The following ASAP3 variants were observed in gnomAD, a reference collection of about 807,000 sequenced individuals.
The protein encoded by ASAP3 is ArfGAP with SH3 domain, ankyrin repeat and PH domain 3.
A neutral mutation model predicts 118.2 loss-of-function variants in ASAP3; 85 were observed. That is an observed-to-expected ratio of 0.72 (90% CI 0.60 to 0.86). ASAP3 has a LOEUF of 0.86. Ranked by LOEUF, ASAP3 falls within the 40% of genes least tolerant of loss-of-function variation. ASAP3 has a pLI of 0.00. For missense variants in ASAP3, 1,026 were observed against 1,175.0 expected, an observed-to-expected ratio of 0.87 and a Z score of 1.85; for synonymous variants, 432 against 477.4, an observed-to-expected ratio of 0.90 and a Z score of 1.24.
intron 1 of ASAP3, among the ~76,000 whole-genome samples, chr1:23,482,138 G>A (rs1413402718): frequency 2.0e-5 from 3 of 152,332 alleles, no homozygotes; most frequent in South Asian, 4.1e-4. Context: ...ATGAGACAAG[G>A]TGAGGCTCTG....
At chr1:23,466,121 G>A (rs192862459) in intron 1 of ASAP3, among the ~76,000 whole-genome samples, 29 of 152,332 alleles carry the variant, frequency 1.9e-4, no homozygotes, top group Non-Finnish European at 1.5e-5. Flanking sequence ...TGGCCTCAGA[G>A]AGGATTCCCA....
chr1:23,467,173 C>CATTATTATTATT lies in ASAP3; in HGVS notation c.130-10991_130-10980dup, dbSNP rs60663868. On this transcript the variant is annotated intron_variant, in intron 1 of 24. Transcript: ENST00000336689. The stretch of plus-strand genomic sequence containing the variant: ...GCCACCTCACCCGGCCCATTACAGC[C>CATTATTATTATT]ATTATTATTATTATTATTATTATTA... 2.8e-3 allele frequency among the ~76,000 whole-genome samples: 411 copies of CATTATTATTATT among 148,330 alleles called. 1 individual carries two copies. Among genetic ancestry groups the CATTATTATTATT allele is most frequent in the African/African-American group, 1.0e-2 (392 of 39,390 alleles).
chr1:23,474,825 C>T (rs1365172524), intron 1 of ASAP3, among the ~76,000 whole-genome samples: 2 of 152,142 alleles, frequency 1.3e-5, no homozygotes, highest in Admixed American at 6.5e-5. Flanking sequence ...TCAAGTGGTC[C>T]CCCTGCCTCA....
Position 23,436,143 on chromosome 1 carries a change from C to T in ASAP3, c.1572-115G>A, listed in dbSNP as rs972278608. On this transcript the variant is annotated intron_variant, in intron 16 of 24. Transcript: ENST00000336689. This position sits in a 1 kb window ranked among gnomAD's most constrained non-coding sequence, Gnocchi z 4.2. ...TTTCTCCAGAACCATGTCCTGAAGA[C>T]GTCTAGATCTGAGGCTCCCCTCTCC... 4.2e-6 allele frequency: 5 copies of T among 1,189,648 alleles called. No homozygotes were observed. In the East Asian group the frequency reaches 7.1e-5, roughly 17 times the overall value. The allele number at this position is 1,189,648 out of a possible 1,614,324, so 73.7% of individuals were successfully genotyped here.
chr1:23,451,373 G>C (rs2148630135), intron 5 of ASAP3, 106 bp downstream of exon 5: 1 of 1,282,826 alleles, frequency 7.8e-7, no homozygotes, highest in African/African-American at 1.5e-5. Context: ...TACAGAGCCA[G>C]ATGTCACCCA....
intron 4 of ASAP3, 105 bp from the exon 5 acceptor site, chr1:23,451,633 C>T: frequency 1.6e-6 from 2 of 1,271,100 alleles, no homozygotes; most frequent in Non-Finnish European, 2.3e-6. Flanking sequence ...CTCCCCTGAG[C>T]TGCTCAGAGC....
chr1:23,473,974 C>CTTTTTTTTTT lies in ASAP3; in HGVS notation c.129+10021_129+10030dup, dbSNP rs10664798. ...AGGCGAAAATGGCATTAAATCTGCT[C>CTTTTTTTTTT]TTTTTTTTTTTTTTTTTTTTTTTTG... On this transcript the variant is annotated intron_variant, in intron 1 of 24. Transcript: ENST00000336689. 2.6e-3 allele frequency among the ~76,000 whole-genome samples: 185 copies of CTTTTTTTTTT among 72,098 alleles called. 41 individuals carry two copies. The highest frequency in any genetic ancestry group is 0.024 in the East Asian group (46 of 1,910). 47.3% of individuals were successfully genotyped at this position (72,098 alleles called of 152,430 possible).
chr1:23,469,836 C>T (rs544678221), intron 1 of ASAP3, among the ~76,000 whole-genome samples: 3 of 152,270 alleles, frequency 2.0e-5, no homozygotes, highest in South Asian at 2.1e-4. Flanking sequence ...TTCTAAGAAA[C>T]GCAGAGACCT....
chr1:23,483,764 C>T (rs1475850395), intron 1 of ASAP3, among the ~76,000 whole-genome samples: 1 of 152,228 alleles, frequency 6.6e-6, no homozygotes, highest in Non-Finnish European at 1.5e-5. Context: ...GTACGTCCCC[C>T]GACCTGTGGA....
At position 23,441,169 on chromosome 1, in the gene ASAP3, G is replaced by A. The variant is rs1405779262; in HGVS notation, c.877C>T (p.His293Tyr). 2 of 1,614,080 alleles carry A rather than the reference G, an allele frequency of 1.2e-6. No individual in the cohort carries two copies. Among genetic ancestry groups the A allele is most frequent in the East Asian group, 4.5e-5 (2 of 44,876 alleles). The part of the protein sequence containing the change: ...RKNSGCGYSI[H>Y]QHQGNKQFGT... ...AACTGCTTGTTGCCTTGGTGCTGGT[G>A]GATGCTATAGCCACATCCTGAGTTC... Residue 293 changes from histidine to tyrosine, a missense_variant, in exon 10 of 25, where the codon CAC becomes TAC. Transcript: ENST00000336689.
At chr1:23,465,264 G>A (rs1641728525) in intron 1 of ASAP3, among the ~76,000 whole-genome samples, 1 of 152,244 alleles carries the variant, frequency 6.6e-6, no homozygotes, top group Non-Finnish European at 1.5e-5. Context: ...TCAGCAAGCT[G>A]TGGGGAAGCA....
chr1:23,452,712 C>T lies in ASAP3; in HGVS notation c.408G>A (p.Leu136=), dbSNP rs1165690974. ...FPLDSLMKGQ[L]RDGRQDSKKQ... is the part of the protein sequence containing the mutation. ...GGAGACTCACCTGTCGACCGTCCCTCAGCTGCCCCTTCATCAGACTGTCCA... is the reference window on the plus strand; with the variant it reads ...GGAGACTCACCTGTCGACCGTCCCTTAGCTGCCCCTTCATCAGACTGTCCA... The change falls in exon 4 of 25, where the codon CTG becomes CTA. Residue 136 remains leucine, a synonymous_variant. Transcript: ENST00000336689. 1 of 1,613,990 alleles carries T rather than the reference C, an allele frequency of 6.2e-7. No homozygotes were observed. The highest frequency in any genetic ancestry group is 8.5e-7 in the Non-Finnish European group (1 of 1,180,018).
At chr1:23,449,487 A>C (rs115011074) in intron 5 of ASAP3, among the ~76,000 whole-genome samples, 1 of 152,194 alleles carries the variant, frequency 6.6e-6, no homozygotes, top group Non-Finnish European at 1.5e-5. Context: ...GACAGATGCT[A>C]TCAGGGCCCT....
chr1:23,463,191 T>C (rs1037264800), intron 1 of ASAP3, among the ~76,000 whole-genome samples: 3 of 152,188 alleles, frequency 2.0e-5, no homozygotes, highest in Middle Eastern at 3.2e-3. Context: ...ACATGGCCCC[T>C]TCCTTCAAGA....
intron 23 of ASAP3, among the ~76,000 whole-genome samples, 184 bp from the exon 24 acceptor site, chr1:23,431,309 G>C (rs1246720077): frequency 6.6e-6 from 1 of 152,240 alleles, no homozygotes; most frequent in Non-Finnish European, 1.5e-5. Flanking sequence ...AGACTCTGTG[G>C]ATATCTGCAG....
At chr1:23,466,564 T>C (rs2148652317) in intron 1 of ASAP3, among the ~76,000 whole-genome samples, 1 of 152,340 alleles carries the variant, frequency 6.6e-6, no homozygotes, top group South Asian at 2.1e-4. Flanking sequence ...GTTTGTGTTC[T>C]CTGCAGGCAA....
chr1:23,448,907 G>A (rs1049935703), intron 5 of ASAP3, among the ~76,000 whole-genome samples: 25 of 152,210 alleles, frequency 1.6e-4, no homozygotes, highest in African/African-American at 6.0e-4. Context: ...GGTGGGGCCA[G>A]GAGTTGAACC....
At chr1:23,439,284 A>G in intron 10 of ASAP3, 54 bp from the exon 11 acceptor site, 1 of 1,567,686 alleles carries the variant, frequency 6.4e-7, no homozygotes, top group South Asian at 1.1e-5. Flanking sequence ...CCTAGTTCGC[A>G]GGTGTCAGAG....
chr1:23,474,102 G>A (rs979425676), intron 1 of ASAP3, among the ~76,000 whole-genome samples: 1 of 148,094 alleles, frequency 6.8e-6, no homozygotes, highest in Non-Finnish European at 1.5e-5. Context: ...TGAGTAGCTG[G>A]GATTACAGGT....
Sources: gnomAD v4.1 joint callset for allele counts (sites outside exome capture counted in the v4.1 genomes callset) on GRCh38, gnomAD v4.1.1 for gene constraint, Gnocchi (gnomAD v3.1) non-coding constraint, MANE v1.5 for transcripts, NCBI Gene and HGNC (gene_info 2026-07-23, HGNC 2026-07-21) for gene names.